Variants in GSK3B observed in about 807,000 individuals in gnomAD.
GSK3B encodes glycogen synthase kinase-3 beta.
In GSK3B, 15 loss-of-function variants were observed where a neutral mutation model predicts 56.4. That is an observed-to-expected ratio of 0.27 (90% confidence interval 0.18 to 0.41). The LOEUF (loss-of-function observed/expected upper bound fraction) is 0.41. Among genes scored for constraint, GSK3B ranks in the 10% least tolerant of loss-of-function variants. The pLI, the probability that GSK3B is intolerant of heterozygous loss-of-function variation, is 1.00. For synonymous variants in GSK3B, 181 were observed against 188.9 expected, an observed-to-expected ratio of 0.96 and a Z score of 0.34; for missense variants, 300 against 513.4, an observed-to-expected ratio of 0.58 and a Z score of 4.02.
chr3:119,841,286 GCAGA>G (rs1399064219), intron 10 of GSK3B, among the ~76,000 whole-genome samples: 1 of 152,132 alleles, frequency 6.6e-6, no homozygotes, highest in African/African-American at 2.4e-5. Context: ...CTCCTACTAA[GCAGA>G]CAATTTGCTC....
rs775240907 is a variant in GSK3B at position 119,822,651 on chromosome 3, T to C, written c.*4137A>G. ...GTCTGGGACTCTACTGTGCTTCTAG[T>C]TGTCTCTTTTATTTTCAGTGGCTCA... On this transcript the variant is annotated 3_prime_UTR_variant, in exon 11 of 11. Transcript: ENST00000264235. 5 of 228,700 alleles carry C rather than the reference T, an allele frequency of 2.2e-5. No individual in the cohort carries two copies. In the East Asian group the frequency reaches 3.1e-4, roughly 14 times the overall value. The allele number at this position is 228,700 out of a possible 1,614,324, so 14.2% of individuals were successfully genotyped here. A position where few individuals can be genotyped will look rare whatever the true frequency, so the allele number is the denominator to read the frequency against.
chr3:120,010,111 C>G (rs1483250548), intron 1 of GSK3B, among the ~76,000 whole-genome samples: 1 of 152,080 alleles, frequency 6.6e-6, no homozygotes, highest in Non-Finnish European at 1.5e-5. Flanking sequence ...GCACACAAAC[C>G]CCAGCATAAG....
intron 4 of GSK3B, among the ~76,000 whole-genome samples, chr3:119,922,347 AAT>A (rs1318761134): frequency 1.3e-5 from 2 of 148,202 alleles, no homozygotes; most frequent in Non-Finnish European, 3.0e-5. Flanking sequence ...TTTATATATA[AAT>A]ATATGATATA....
chr3:119,846,020 AC>A (rs2055850911), intron 9 of GSK3B, among the ~76,000 whole-genome samples: 1 of 152,206 alleles, frequency 6.6e-6, no homozygotes, highest in South Asian at 2.1e-4. Flanking sequence ...CTGATCTTTG[AC>A]AAACCTATCA....
At chr3:120,074,316 G>C (rs1299426530) in intron 1 of GSK3B, among the ~76,000 whole-genome samples, 3 of 145,490 alleles carry the variant, frequency 2.1e-5, no homozygotes, top group Non-Finnish European at 4.5e-5. Flanking sequence ...AAAAAAGAAA[G>C]AAAGAAAGAA....
intron 2 of GSK3B, among the ~76,000 whole-genome samples, chr3:119,952,419 C>T (rs2107497297): frequency 6.8e-6 from 1 of 146,504 alleles, no homozygotes; most frequent in East Asian, 2.0e-4. Context: ...GCCCGGGAGG[C>T]AGAGGTTGCA....
intron 9 of GSK3B, among the ~76,000 whole-genome samples, chr3:119,856,689 C>A (rs1412614472): frequency 6.6e-6 from 1 of 152,018 alleles, no homozygotes; most frequent in African/African-American, 2.4e-5. Flanking sequence ...GAAGAGTATA[C>A]CTGATTACAT....
At chr3:119,846,631 A>C (rs2055860812) in intron 9 of GSK3B, among the ~76,000 whole-genome samples, 1 of 152,218 alleles carries the variant, frequency 6.6e-6, no homozygotes, top group Non-Finnish European at 1.5e-5. Context: ...TTAAAAAGTC[A>C]AGAAACAACA....
rs2055444002 is a variant in GSK3B at position 119,823,320 on chromosome 3, G to A, written c.*3468C>T. 1 of 206,790 alleles carries A rather than the reference G, an allele frequency of 4.8e-6. No homozygotes were observed. Among genetic ancestry groups the A allele is most frequent in the African/African-American group, 2.3e-5 (1 of 43,884 alleles). 12.8% of individuals were successfully genotyped at this position (206,790 alleles called of 1,614,324 possible). On this transcript the variant is annotated 3_prime_UTR_variant, in exon 11 of 11. Coordinates refer to ENST00000264235, the MANE Select transcript of GSK3B (RefSeq NM_001146156.2). Reference sequence around the variant, plus strand: ...GCAAGGGTAGAGATGGCGGGAGGGAGGAAATGGGCTAAGAGTTCCCTTGTT... The same window carrying A: ...GCAAGGGTAGAGATGGCGGGAGGGAAGAAATGGGCTAAGAGTTCCCTTGTT...
intron 1 of GSK3B, among the ~76,000 whole-genome samples, chr3:120,012,290 C>T (rs951510171): frequency 6.6e-6 from 1 of 152,204 alleles, no homozygotes; most frequent in Non-Finnish European, 1.5e-5. Flanking sequence ...CCAAAATCCT[C>T]AAGAAAAACT....
chr3:119,859,028 T>C (rs2056062587), intron 9 of GSK3B, among the ~76,000 whole-genome samples: 1 of 151,782 alleles, frequency 6.6e-6, no homozygotes, highest in Admixed American at 6.6e-5. Context: ...GTAATAACAA[T>C]GAAAAAGCTC....
Position 119,826,818 on chromosome 3 carries a change from A to G in GSK3B, c.1233T>C (p.Ala411=). ...TGGAGTTGGAAGCTGATGCAGAAGCAGCATTATTGGTCTGTCCACGGTCTC... is the reference window on the plus strand; with the variant it reads ...TGGAGTTGGAAGCTGATGCAGAAGCGGCATTATTGGTCTGTCCACGGTCTC... ...NTGDRGQTNN[A]ASASASNST Residue 411 remains alanine (A), a synonymous_variant, in exon 11 of 11, where the codon GCT becomes GCC. Coordinates refer to ENST00000264235, the MANE Select transcript of GSK3B (RefSeq NM_001146156.2). 6.2e-7 allele frequency: 1 copy of G among 1,613,272 alleles called. No homozygotes were observed. Among genetic ancestry groups the G allele is most frequent in the Non-Finnish European group, 8.5e-7 (1 of 1,179,170 alleles).
chr3:119,852,375 G>C (rs1294329309), intron 9 of GSK3B, among the ~76,000 whole-genome samples: 2 of 151,188 alleles, frequency 1.3e-5, no homozygotes, highest in Non-Finnish European at 2.9e-5. Context: ...TAAAGACAGA[G>C]TCTCGCTCTG....
intron 2 of GSK3B, among the ~76,000 whole-genome samples, chr3:119,997,944 C>G (rs1291313343): frequency 6.6e-6 from 1 of 152,056 alleles, no homozygotes; most frequent in Non-Finnish European, 1.5e-5. Flanking sequence ...CAAAATATAA[C>G]CCCAGAAAAA....
intron 9 of GSK3B, among the ~76,000 whole-genome samples, chr3:119,852,044 G>A (rs1053966424): frequency 6.6e-6 from 1 of 152,276 alleles, no homozygotes; most frequent in African/African-American, 2.4e-5. Flanking sequence ...AAGTGCCCAG[G>A]AAATTCCTGA....
At chr3:120,012,606 C>T (rs562112665) in intron 1 of GSK3B, among the ~76,000 whole-genome samples, 1 of 152,290 alleles carries the variant, frequency 6.6e-6, no homozygotes, top group South Asian at 2.1e-4. Context: ...CCAGAATAGA[C>T]CCCTCATGAC....
At chr3:119,992,362 GAACA>G (rs900949999) in intron 2 of GSK3B, among the ~76,000 whole-genome samples, 29 of 152,062 alleles carry the variant, frequency 1.9e-4, no homozygotes, top group African/African-American at 6.7e-4. Flanking sequence ...CAAATAACTG[GAACA>G]AAGATAGTCT....
intron 1 of GSK3B, among the ~76,000 whole-genome samples, chr3:120,082,950 T>G (rs543786809): frequency 1.3e-5 from 2 of 152,120 alleles, no homozygotes; most frequent in South Asian, 2.1e-4. Flanking sequence ...TTCTTCTGAA[T>G]AGCTCTAGTC....
chr3:120,064,023 C>T (rs975724833), intron 1 of GSK3B, among the ~76,000 whole-genome samples: 1 of 151,896 alleles, frequency 6.6e-6, no homozygotes, highest in Non-Finnish European at 1.5e-5. Context: ...AATGAAAAAG[C>T]AATTTAACTG....
Sources: gnomAD v4.1 joint callset for allele counts (sites outside exome capture counted in the v4.1 genomes callset) on GRCh38, gnomAD v4.1.1 for gene constraint, MANE v1.5 for transcripts, NCBI Gene and HGNC (gene_info 2026-07-23, HGNC 2026-07-21) for gene names.